EBF2: variants seen among roughly 807,000 people sequenced by gnomAD.
The protein encoded by EBF2 is EBF transcription factor 2, also known as transcription factor COE2.
EBF2 carries 21 observed loss-of-function variants against 72.8 expected under a neutral mutation model. The observed-to-expected ratio is 0.29, with a 90% CI of 0.20 to 0.42. The LOEUF (loss-of-function observed/expected upper bound fraction) is 0.42. Ranked by LOEUF, EBF2 falls within the 10% of genes least tolerant of loss-of-function variation. EBF2 has a pLI of 1.00. For missense variants in EBF2, 637 were observed against 731.2 expected, an observed-to-expected ratio of 0.87 and a Z score of 1.49; for synonymous variants, 299 against 274.2, an observed-to-expected ratio of 1.09 and a Z score of -0.89.
chr8:25,858,810 G>A (rs1404039047), intron 13 of EBF2, among the ~76,000 whole-genome samples: 2 of 151,720 alleles, frequency 1.3e-5, no homozygotes, highest in Non-Finnish European at 2.9e-5. Flanking sequence ...CAGGCACCCT[G>A]CCATTGCGCC....
intron 10 of EBF2, among the ~76,000 whole-genome samples, chr8:25,880,462 G>A (rs1311379745): frequency 6.6e-6 from 1 of 151,982 alleles, no homozygotes; most frequent in African/African-American, 2.4e-5. Context: ...TAACTAGTTG[G>A]CCCAACACAT....
At chr8:25,903,522 CG>C (rs1207524942) in intron 7 of EBF2, among the ~76,000 whole-genome samples, 1 of 134,694 alleles carries the variant, frequency 7.4e-6, no homozygotes, top group African/African-American at 2.8e-5. Flanking sequence ...GGTGAAACCC[CG>C]TTTCTACTAA....
chr8:25,957,488 C>G (rs986783178), intron 6 of EBF2, among the ~76,000 whole-genome samples: 2 of 152,174 alleles, frequency 1.3e-5, no homozygotes, highest in Non-Finnish European at 2.9e-5. Context: ...CCCACTGCCT[C>G]CCATCCCCAC....
At chr8:25,941,696 G>T (rs1343787304) in intron 6 of EBF2, among the ~76,000 whole-genome samples, 1 of 152,108 alleles carries the variant, frequency 6.6e-6, no homozygotes, top group Non-Finnish European at 1.5e-5. Flanking sequence ...TGACCAGAAG[G>T]GTTCCTCAGC....
chr8:25,969,857 A>G (rs1307978096), intron 6 of EBF2, among the ~76,000 whole-genome samples: 1 of 152,166 alleles, frequency 6.6e-6, no homozygotes, highest in Non-Finnish European at 1.5e-5. Context: ...GGCACATGCC[A>G]CCGTGCCTGA....
chr8:25,896,433 C>T (rs1158028536), intron 7 of EBF2, among the ~76,000 whole-genome samples: 1 of 152,156 alleles, frequency 6.6e-6, no homozygotes, highest in African/African-American at 2.4e-5. Flanking sequence ...TATGAATGTG[C>T]ATACACTCAG....
intron 10 of EBF2, 48 bp from the exon 11 acceptor site, chr8:25,862,845 C>A: frequency 7.1e-7 from 1 of 1,403,716 alleles, no homozygotes; most frequent in Non-Finnish European, 9.8e-7. Context: ...GGCTATAAAG[C>A]AAACCTTCTA....
At chr8:26,007,733 G>A (rs1318406929) in intron 6 of EBF2, among the ~76,000 whole-genome samples, 2 of 151,876 alleles carry the variant, frequency 1.3e-5, no homozygotes, top group African/African-American at 4.8e-5. Flanking sequence ...TCCCGGATCA[G>A]ACACAGATTT....
chr8:26,039,567 G>A (rs1805564575), intron 5 of EBF2, among the ~76,000 whole-genome samples: 1 of 152,194 alleles, frequency 6.6e-6, no homozygotes, highest in African/African-American at 2.4e-5. Flanking sequence ...GTGCCAGGAA[G>A]CACCCCGGAA....
At chr8:25,912,739 C>G (rs1803149492) in intron 6 of EBF2, among the ~76,000 whole-genome samples, 1 of 152,110 alleles carries the variant, frequency 6.6e-6, no homozygotes, top group Admixed American at 6.5e-5. Flanking sequence ...CAAGGATCCC[C>G]CGACCAAACT....
At chr8:25,990,222 T>TA (rs951561092) in intron 6 of EBF2, among the ~76,000 whole-genome samples, 1 of 142,278 alleles carries the variant, frequency 7.0e-6, no homozygotes. Flanking sequence ...CACACACACA[T>TA]AAAATCAATA....
chr8:26,017,545 T>C (rs1238950130), intron 6 of EBF2, among the ~76,000 whole-genome samples: 1 of 152,126 alleles, frequency 6.6e-6, no homozygotes, highest in African/African-American at 2.4e-5. Flanking sequence ...TTCTAGGGCA[T>C]GTTCTGTCCT....
At chr8:25,972,213 G>A (rs1369800816) in intron 6 of EBF2, among the ~76,000 whole-genome samples, 1 of 152,124 alleles carries the variant, frequency 6.6e-6, no homozygotes, top group Non-Finnish European at 1.5e-5. Context: ...CCTGACAACA[G>A]CAATCACGGA....
At chr8:25,921,583 G>T (rs1803306405) in intron 6 of EBF2, among the ~76,000 whole-genome samples, 1 of 152,128 alleles carries the variant, frequency 6.6e-6, no homozygotes, top group Non-Finnish European at 1.5e-5. Context: ...AACTCTATGG[G>T]AATTATCAAC....
intron 6 of EBF2, among the ~76,000 whole-genome samples, chr8:25,981,668 C>T (rs1488243296): frequency 2.0e-5 from 3 of 151,910 alleles, no homozygotes; most frequent in Non-Finnish European, 4.4e-5. Context: ...TGGTAGCAGG[C>T]ACCTGTAATC....
rs559387651 is a variant in EBF2, at chr8:25,843,467, C to A, written c.*1142G>T. On this transcript the variant is annotated 3_prime_UTR_variant, in exon 16 of 16. Transcript: ENST00000520164. ...GTGTACCTCTGTACTGAACCAGGCA[C>A]CCAAAGCGGAGGGAGTGGTGGGGTT... 1 of 152,124 alleles carries A rather than the reference C, an allele frequency of 6.6e-6. No homozygotes were observed. Among genetic ancestry groups the A allele is most frequent in the Non-Finnish European group, 1.5e-5 (1 of 68,048 alleles). The allele number at this position is 152,124 out of a possible 1,614,324, so 9.4% of individuals were successfully genotyped here. A position where few individuals can be genotyped will look rare whatever the true frequency, so the allele number is the denominator to read the frequency against.
At chr8:25,940,700 CTT>C (rs1161767149) in intron 6 of EBF2, among the ~76,000 whole-genome samples, 3 of 151,736 alleles carry the variant, frequency 2.0e-5, no homozygotes, top group Non-Finnish European at 4.4e-5. Flanking sequence ...AAAATGAAAA[CTT>C]TGATTTCTGC....
chr8:26,034,876 T>C (rs1189619266), intron 5 of EBF2, among the ~76,000 whole-genome samples: 10 of 152,266 alleles, frequency 6.6e-5, no homozygotes, highest in Non-Finnish European at 4.4e-5. Context: ...GGAAGATTGC[T>C]GAACTGGGAA....
At chr8:25,875,279 T>C (rs559267885) in intron 10 of EBF2, among the ~76,000 whole-genome samples, 1 of 152,330 alleles carries the variant, frequency 6.6e-6, no homozygotes, top group South Asian at 2.1e-4. Flanking sequence ...TTTATATTTA[T>C]ATACATAAAT....
Sources: allele counts gnomAD v4.1 joint callset (sites outside exome capture counted in the v4.1 genomes callset), GRCh38; gene constraint gnomAD v4.1.1; transcripts MANE v1.5; gene names NCBI Gene and HGNC (gene_info 2026-07-23, HGNC 2026-07-21).